Variants in TGFBR1 observed in about 807,000 individuals in gnomAD.
TGFBR1 encodes the protein TGF-beta receptor type-1.
TGFBR1 carries 20 observed loss-of-function variants against 55.1 expected under a neutral mutation model. The observed-to-expected ratio is 0.36, with a 90% CI of 0.26 to 0.53. TGFBR1 has a LOEUF of 0.53. Ranked by LOEUF, TGFBR1 falls within the 20% of genes least tolerant of loss-of-function variation. TGFBR1 has a pLI of 0.91. For synonymous variants in TGFBR1, 220 were observed against 214.8 expected, an observed-to-expected ratio of 1.02 and a Z score of -0.21; for missense variants, 385 against 617.6, an observed-to-expected ratio of 0.62 and a Z score of 3.99.
chr9:99,131,595 A>G (rs1296655699), intron 2 of TGFBR1, among the ~76,000 whole-genome samples: 1 of 152,118 alleles, frequency 6.6e-6, no homozygotes, highest in Non-Finnish European at 1.5e-5. Context: ...AAAGTCCAGG[A>G]GGTTAAGATA....
At chr9:99,139,915 AT>A (rs1387015016) in intron 4 of TGFBR1, among the ~76,000 whole-genome samples, 1 of 152,136 alleles carries the variant, frequency 6.6e-6, no homozygotes, top group African/African-American at 2.4e-5. Context: ...TGCTGATTGC[AT>A]TTCCATAGTG....
intron 7 of TGFBR1, among the ~76,000 whole-genome samples, chr9:99,147,383 A>C (rs1315811149): frequency 6.6e-6 from 1 of 152,164 alleles, no homozygotes; most frequent in Non-Finnish European, 1.5e-5. Context: ...GAAAATGTCA[A>C]TCTGGTCATC....
chr9:99,133,293 T>C (rs1279262569), intron 3 of TGFBR1, among the ~76,000 whole-genome samples: 1 of 152,208 alleles, frequency 6.6e-6, no homozygotes, highest in Non-Finnish European at 1.5e-5. Context: ...TTGAGAAAAA[T>C]GTCTAACCAC....
chr9:99,146,451 G>T, intron 6 of TGFBR1, 34 bp from the exon 7 acceptor site: 2 of 1,613,474 alleles, frequency 1.2e-6, no homozygotes, highest in South Asian at 2.2e-5. Context: ...GTAAGGGGAT[G>T]ATTTTCAAAG....
rs11568756 is a variant in TGFBR1, at chr9:99,128,360, T to C, written c.98-495T>C. 9.8e-3 allele frequency among the ~76,000 whole-genome samples: 1,487 copies of C among 152,174 alleles called. 30 individuals carry two copies. The highest frequency in any genetic ancestry group is 0.033 in the African/African-American group (1,390 of 41,500). ...TGGCTCAGTACAAATCTGTTTCCGT[T>C]ACTCCATTATCCAGAAAGCCACTGA... On this transcript the variant is annotated intron_variant, in intron 1 of 8. Transcript: ENST00000374994.
intron 1 of TGFBR1, among the ~76,000 whole-genome samples, chr9:99,113,962 T>C (rs1316524982): frequency 2.0e-5 from 3 of 152,222 alleles, no homozygotes; most frequent in African/African-American, 7.2e-5. Context: ...CGGACTTGTT[T>C]ATCTCTAAGC....
chr9:99,109,511 T>A (rs1251769659), intron 1 of TGFBR1, among the ~76,000 whole-genome samples: 2 of 152,202 alleles, frequency 1.3e-5, no homozygotes, highest in Non-Finnish European at 2.9e-5. Flanking sequence ...AGTTGAGCAG[T>A]TACAGGGACT....
chr9:99,133,511 C>G (rs1277691791), intron 3 of TGFBR1, among the ~76,000 whole-genome samples: 1 of 152,170 alleles, frequency 6.6e-6, no homozygotes, highest in East Asian at 1.9e-4. Context: ...AAGAGAGGAA[C>G]ACTCCTATCC....
At chr9:99,111,308 T>TTTA (rs1826567730) in intron 1 of TGFBR1, among the ~76,000 whole-genome samples, 1 of 144,258 alleles carries the variant, frequency 6.9e-6, no homozygotes, top group African/African-American at 2.6e-5. Flanking sequence ...TTTTTTTTTT[T>TTTA]TTTTTTTTTT....
At position 99,153,905 on chromosome 9, in the gene TGFBR1, A is replaced by G. The variant is rs1828038807; in HGVS notation, c.*4600A>G. ...CCATTGGGGCATGATGGACCTGTCT[A>G]CAGGTGATCTCTGTTGCCTTTGGGT... On this transcript the variant is annotated 3_prime_UTR_variant, in exon 9 of 9. Transcript: ENST00000374994. The G allele has an allele frequency of 1.4e-5, 3 of 214,298 alleles. No homozygotes were observed. The highest frequency in any genetic ancestry group is 1.4e-4 in the East Asian group (2 of 14,572). 13.3% of individuals were successfully genotyped at this position (214,298 alleles called of 1,614,324 possible).
intron 2 of TGFBR1, among the ~76,000 whole-genome samples, chr9:99,129,565 G>T (rs946467846): frequency 1.3e-5 from 2 of 152,190 alleles, no homozygotes; most frequent in African/African-American, 2.4e-5. Flanking sequence ...AATTATACAT[G>T]ATTTCTAGAT....
At chr9:99,128,450 ATG>A (rs1827104112) in intron 1 of TGFBR1, among the ~76,000 whole-genome samples, 1 of 143,268 alleles carries the variant, frequency 7.0e-6, no homozygotes, top group Non-Finnish European at 1.5e-5. Context: ...AAGGAGGAGT[ATG>A]TGAATGTTTA....
intron 3 of TGFBR1, 46 bp from the exon 4 acceptor site, chr9:99,137,811 CAT>C (rs775624916): frequency 6.7e-7 from 1 of 1,498,168 alleles, no homozygotes; most frequent in African/African-American, 1.4e-5. Flanking sequence ...ATGTTTGAAA[CAT>C]GTAATATTGT....
intron 8 of TGFBR1, among the ~76,000 whole-genome samples, chr9:99,148,059 C>T (rs1036438355): frequency 1.3e-5 from 2 of 152,158 alleles, no homozygotes; most frequent in South Asian, 4.1e-4. Context: ...GAATGCCTCC[C>T]TTCAGCCGGG....
Position 99,105,121 on chromosome 9 carries a change from G to T in TGFBR1, c.-85G>T. On this transcript the variant is annotated 5_prime_UTR_variant, in exon 1 of 9. The change creates a new upstream start codon in the 5' untranslated region. Coordinates refer to ENST00000374994, the MANE Select transcript of TGFBR1 (RefSeq NM_004612.4). Reference sequence around the variant, plus strand: ...CGGAGCGAGGCCGCCGCGGCGGCTAGGGAGGTGGGGCGAGGCGAGGTTTGC... The same window carrying T: ...CGGAGCGAGGCCGCCGCGGCGGCTATGGAGGTGGGGCGAGGCGAGGTTTGC... 2.0e-6 allele frequency: 2 copies of T among 1,019,126 alleles called. No homozygotes were observed. Among genetic ancestry groups the T allele is most frequent in the Non-Finnish European group, 2.4e-6 (2 of 839,874 alleles). 63.1% of individuals were successfully genotyped at this position (1,019,126 alleles called of 1,614,324 possible).
At chr9:99,133,357 A>G (rs1017010759) in intron 3 of TGFBR1, among the ~76,000 whole-genome samples, 2 of 152,084 alleles carry the variant, frequency 1.3e-5, no homozygotes, top group African/African-American at 4.8e-5. Flanking sequence ...TCTCAGTTCT[A>G]TTTGTTGATA....
At position 99,150,879 on chromosome 9, in the gene TGFBR1, G is replaced by A. The variant is rs199522012; in HGVS notation, c.*1574G>A. On this transcript the variant is annotated 3_prime_UTR_variant, in exon 9 of 9. Coordinates refer to ENST00000374994, the MANE Select transcript of TGFBR1 (RefSeq NM_004612.4). ...AACTGGTTTTTACTTCCAATGCTAT[G>A]AAGTCTCTGCAGGGCTTTTACAGTT... 19 of 222,010 alleles carry A rather than the reference G, an allele frequency of 8.6e-5. No individual in the cohort carries two copies. Among genetic ancestry groups the A allele is most frequent in the Non-Finnish European group, 1.6e-4 (18 of 110,684 alleles). 13.8% of individuals were successfully genotyped at this position (222,010 alleles called of 1,614,324 possible). A position where few individuals can be genotyped will look rare whatever the true frequency, so the allele number is the denominator to read the frequency against.
At chr9:99,131,094 G>T (rs1486987169) in intron 2 of TGFBR1, among the ~76,000 whole-genome samples, 1 of 151,548 alleles carries the variant, frequency 6.6e-6, no homozygotes, top group Non-Finnish European at 1.5e-5. Flanking sequence ...CAGAATACCA[G>T]GCAAAATTAA....
rs1311441942 is a variant in TGFBR1 at position 99,151,090 on chromosome 9, C to T, written c.*1785C>T. On this transcript the variant is annotated 3_prime_UTR_variant, in exon 9 of 9. Coordinates refer to ENST00000374994, the MANE Select transcript of TGFBR1 (RefSeq NM_004612.4). ...TGAATGAGTTGCATTCTGATAATGT[C>T]TTATCTCTTATACGTAGAATAAATT... 2 of 228,362 alleles carry T rather than the reference C, an allele frequency of 8.8e-6. No individual in the cohort carries two copies. The highest frequency in any genetic ancestry group is 1.3e-4 in the East Asian group (2 of 15,764). 14.1% of individuals were successfully genotyped at this position (228,362 alleles called of 1,614,324 possible).
Sources: allele counts gnomAD v4.1 joint callset (sites outside exome capture counted in the v4.1 genomes callset), GRCh38; gene constraint gnomAD v4.1.1; transcripts MANE v1.5; gene names NCBI Gene and HGNC (gene_info 2026-07-23, HGNC 2026-07-21).